Variants in UNC13C observed in about 807,000 individuals in gnomAD.
The protein encoded by UNC13C is unc-13 homolog C, also known as protein unc-13 homolog C.
Under a neutral mutation model 245.4 loss-of-function variants are expected in UNC13C, and 174 were observed. The observed-to-expected ratio is 0.71, with a 90% CI of 0.63 to 0.80. The LOEUF (loss-of-function observed/expected upper bound fraction) is 0.80, where lower values mean the gene tolerates loss of function less well. Ranked by LOEUF, UNC13C falls within the 30% of genes least tolerant of loss-of-function variation. UNC13C has a pLI of 0.00. For synonymous variants in UNC13C, 992 were observed against 895.1 expected (o/e 1.11, Z -1.93); for missense variants, 2,829 against 2,602.9 (o/e 1.09, Z -1.89).
intron 4 of UNC13C, among the ~76,000 whole-genome samples, chr15:54,233,380 G>A (rs965066751): frequency 7.2e-5 from 11 of 152,030 alleles, no homozygotes; most frequent in African/African-American, 2.7e-4. Flanking sequence ...AATTAAGGGG[G>A]ACATTTAGTT....
At chr15:54,614,289 A>G (rs1900288583) in intron 30 of UNC13C, among the ~76,000 whole-genome samples, 1 of 151,828 alleles carries the variant, frequency 6.6e-6, no homozygotes, top group South Asian at 2.1e-4. Context: ...CACATCCCCA[A>G]ACTCCCAAGA....
intron 26 of UNC13C, among the ~76,000 whole-genome samples, chr15:54,533,741 T>C (rs564181414): frequency 1.3e-5 from 2 of 152,324 alleles, no homozygotes; most frequent in South Asian, 4.1e-4. Flanking sequence ...GTTTTTGTTC[T>C]GTTCCTACTC....
chr15:54,209,587 G>GT (rs1199699844), intron 4 of UNC13C, among the ~76,000 whole-genome samples: 1 of 151,812 alleles, frequency 6.6e-6, no homozygotes, highest in Non-Finnish European at 1.5e-5. Flanking sequence ...AACTTTCTGT[G>GT]TTTTTTTGTA....
chr15:53,842,407 T>A, the UNC13C span, among the ~76,000 whole-genome samples: 1 of 152,164 alleles, frequency 6.6e-6, no homozygotes, highest in African/African-American at 2.4e-5. Context: ...TCTCAATTCA[T>A]GATGTTCAGA....
At chr15:54,544,269 A>G (rs950390132) in intron 26 of UNC13C, among the ~76,000 whole-genome samples, 3 of 152,326 alleles carry the variant, frequency 2.0e-5, no homozygotes, top group Middle Eastern at 3.4e-3. Context: ...AAAACTCTCA[A>G]TAAAATAGGT....
chr15:54,237,797 C>T, intron 7 of UNC13C, 107 bp downstream of exon 7: 1 of 969,008 alleles, frequency 1.0e-6, no homozygotes, highest in Non-Finnish European at 1.5e-6. Flanking sequence ...GTCCAATGTT[C>T]CAGAAATAAC....
chr15:54,042,933 T>A, intron 2 of UNC13C, among the ~76,000 whole-genome samples: 1 of 152,094 alleles, frequency 6.6e-6, no homozygotes, highest in Non-Finnish European at 1.5e-5. Flanking sequence ...GTTACGAAAG[T>A]ACGACAAAAT....
chr15:53,934,268 TC>T, the UNC13C span, among the ~76,000 whole-genome samples: 3 of 152,178 alleles, frequency 2.0e-5, no homozygotes, highest in African/African-American at 7.2e-5. Flanking sequence ...ATATTAACTC[TC>T]AATATGAGAT....
rs979239370 is a variant in UNC13C at position 54,276,197 on chromosome 15, C to A, written c.3818+10701C>A. Among the ~76,000 whole-genome samples the A allele has an allele frequency of 3.3e-5, 5 of 152,036 alleles. No individual in the cohort carries two copies. The East Asian group carries it at 9.6e-4, about 29-fold the overall frequency. ...AACTTTTGGAGAAACTTTTGAAATA[C>A]AACTTTAATTATGTTAATCATGGTG... On this transcript the variant is annotated intron_variant, in intron 10 of 32. Transcript: ENST00000260323.
At chr15:53,920,978 C>T in the UNC13C span, among the ~76,000 whole-genome samples, 1 of 151,544 alleles carries the variant, frequency 6.6e-6, no homozygotes, top group Admixed American at 6.6e-5. Flanking sequence ...AGGGAAGAGG[C>T]TAGAGGGAGT....
intron 29 of UNC13C, among the ~76,000 whole-genome samples, chr15:54,565,156 T>G (rs533104431): frequency 6.6e-6 from 1 of 152,088 alleles, no homozygotes; most frequent in Non-Finnish European, 1.5e-5. Context: ...GCCTCCCCCA[T>G]TATCTGTATT....
chr15:54,202,666 T>G (rs894651267), intron 4 of UNC13C, among the ~76,000 whole-genome samples: 1 of 151,954 alleles, frequency 6.6e-6, no homozygotes, highest in African/African-American at 2.4e-5. Flanking sequence ...GAGAATGAAC[T>G]GAAGATGGAT....
chr15:53,981,189 C>A (rs534783753), intron 1 of UNC13C, among the ~76,000 whole-genome samples: 2 of 152,260 alleles, frequency 1.3e-5, no homozygotes, highest in South Asian at 4.1e-4. Context: ...ATGCATAAAC[C>A]CTGCCATAAC....
At chr15:54,101,327 C>T (rs1267336421) in intron 2 of UNC13C, among the ~76,000 whole-genome samples, 1 of 152,060 alleles carries the variant, frequency 6.6e-6, no homozygotes, top group African/African-American at 2.4e-5. Context: ...ATTTCTCTGC[C>T]TCTGTCTTTT....
At chr15:54,557,060 A>G (rs1897122377) in intron 29 of UNC13C, among the ~76,000 whole-genome samples, 1 of 151,976 alleles carries the variant, frequency 6.6e-6, no homozygotes, top group Admixed American at 6.6e-5. Context: ...CAACTATCCT[A>G]TCTTCCTGTT....
downstream of UNC13C, chr15:54,633,149 G>A (rs898504768): frequency 6.6e-6 from 1 of 151,374 alleles, no homozygotes; most frequent in African/African-American, 2.4e-5. Context: ...TGGGCAACAA[G>A]AGCAAAACTC....
intron 2 of UNC13C, among the ~76,000 whole-genome samples, chr15:54,092,622 A>C (rs777392586): frequency 2.8e-4 from 43 of 152,318 alleles, no homozygotes; most frequent in South Asian, 8.3e-4. Flanking sequence ...CTTAGTTGCT[A>C]GTGATGCAAA....
At chr15:54,146,944 T>C (rs1391462648) in intron 4 of UNC13C, among the ~76,000 whole-genome samples, 1 of 152,124 alleles carries the variant, frequency 6.6e-6, no homozygotes, top group African/African-American at 2.4e-5. Context: ...TAAAAGAAAG[T>C]CATTCAGACA....
At chr15:54,484,365 C>G (rs962056986) in intron 19 of UNC13C, among the ~76,000 whole-genome samples, 1 of 152,114 alleles carries the variant, frequency 6.6e-6, no homozygotes, top group Non-Finnish European at 1.5e-5. Context: ...TTTCTGTGTT[C>G]ACTTATGCGT....
Sources: gnomAD v4.1 joint callset for allele counts (sites outside exome capture counted in the v4.1 genomes callset) on GRCh38, gnomAD v4.1.1 for gene constraint, MANE v1.5 for transcripts, NCBI Gene and HGNC (gene_info 2026-07-23, HGNC 2026-07-21) for gene names.